The following DACH2 variants were observed in gnomAD, a reference collection of about 807,000 sequenced individuals.
The protein encoded by DACH2 is dachshund homolog 2.
Under a neutral mutation model 35.8 loss-of-function variants are expected in DACH2, and 17 were observed. The ratio of observed to expected loss-of-function variants is 0.48; its 90% CI spans 0.33 to 0.71. The LOEUF is 0.71. Among genes scored for constraint, DACH2 ranks in the 30% least tolerant of loss-of-function variants. The pLI is 0.02. For missense variants in DACH2, 469 were observed against 472.7 expected, an observed-to-expected ratio of 0.99 and a Z score of 0.07; for synonymous variants, 195 against 177.3, an observed-to-expected ratio of 1.10 and a Z score of -0.79.
In DACH2 at chrX:86,181,635, G is replaced by A. The variant is rs934769682; in HGVS notation, c.488+32527G>A. 1.1e-4 allele frequency among the ~76,000 whole-genome samples: 12 copies of A among 111,249 alleles called. No homozygotes were observed. In the East Asian group the frequency reaches 1.4e-3, roughly 13 times the overall value. ...AGTCTTTGCTATTGTGAACAGTGCC[G>A]CAATAAACATACGTGTGCATGTGTC... On this transcript the variant is annotated intron_variant, in intron 1 of 11. Coordinates refer to ENST00000373125, the MANE Select transcript of DACH2 (RefSeq NM_053281.3).
At chrX:86,315,171 C>CTT (rs1569344806) in intron 1 of DACH2, among the ~76,000 whole-genome samples, 1 of 111,873 alleles carries the variant, frequency 8.9e-6, no homozygotes, top group African/African-American at 3.2e-5. Context: ...TTCTGAAAAT[C>CTT]TTAAGGACCT....
chrX:86,348,956 C>T (rs1226661067), intron 1 of DACH2, among the ~76,000 whole-genome samples: 1 of 111,626 alleles, frequency 9.0e-6, no homozygotes, highest in Non-Finnish European at 1.9e-5. Flanking sequence ...GCTTAGAGCT[C>T]CCGAAGCCCC....
At chrX:86,825,237 A>T (rs765207415) in intron 11 of DACH2, among the ~76,000 whole-genome samples, 44 of 110,445 alleles carry the variant, frequency 4.0e-4, no homozygotes, top group Non-Finnish European at 5.9e-4. Flanking sequence ...TAACATGGAG[A>T]AATTTTTAGT....
At chrX:86,615,894 A>G (rs773367739) in intron 3 of DACH2, among the ~76,000 whole-genome samples, 211 of 110,469 alleles carry the variant, frequency 1.9e-3, no homozygotes, top group Non-Finnish European at 2.5e-3. Context: ...AGTATCCAAT[A>G]ATTATTTTTT....
chrX:86,207,933 T>G (rs1602286294), intron 1 of DACH2, among the ~76,000 whole-genome samples: 1 of 111,498 alleles, frequency 9.0e-6, no homozygotes. Context: ...CAGCTTTATT[T>G]TATTCTACTT....
chrX:86,616,856 G>A (rs1051726454), intron 3 of DACH2, among the ~76,000 whole-genome samples: 8 of 111,674 alleles, frequency 7.2e-5, no homozygotes, highest in Admixed American at 9.5e-5. Flanking sequence ...TGTCCACAAT[G>A]GTATTGCCTA....
chrX:86,796,504 A>G (rs1380494452), intron 7 of DACH2, among the ~76,000 whole-genome samples: 1 of 112,186 alleles, frequency 8.9e-6, no homozygotes, highest in African/African-American at 3.2e-5. Flanking sequence ...ATCCAAATAA[A>G]TGACTCAAAA....
intron 1 of DACH2, among the ~76,000 whole-genome samples, chrX:86,346,394 G>A (rs1034941711): frequency 1.9e-5 from 2 of 106,666 alleles, no homozygotes; most frequent in East Asian, 2.9e-4. Flanking sequence ...TTAGAGTTTC[G>A]GATTTTATAG....
chrX:86,285,063 ATCT>A (rs2034117370), intron 1 of DACH2, among the ~76,000 whole-genome samples: 1 of 111,092 alleles, frequency 9.0e-6, no homozygotes, highest in Non-Finnish European at 1.9e-5. Context: ...ATTTATTTGA[ATCT>A]TCTTTCTTCT....
chrX:86,729,668 G>A (rs775533857), intron 6 of DACH2, among the ~76,000 whole-genome samples: 1 of 111,748 alleles, frequency 8.9e-6, no homozygotes, highest in East Asian at 2.8e-4. Context: ...GGATTATGGG[G>A]GCAAATCCCT....
At chrX:86,368,732 A>C (rs1177697296) in intron 1 of DACH2, among the ~76,000 whole-genome samples, 1 of 109,307 alleles carries the variant, frequency 9.1e-6, no homozygotes, top group South Asian at 4.0e-4. Context: ...TCAGCTAATT[A>C]CAAAAAAATT....
chrX:86,653,048 G>A (rs1384298350), intron 4 of DACH2, among the ~76,000 whole-genome samples: 1 of 111,857 alleles, frequency 8.9e-6, no homozygotes. Flanking sequence ...TATCTCCAAA[G>A]GTTTTTACAA....
At chrX:86,235,035 T>A (rs2033028410) in intron 1 of DACH2, among the ~76,000 whole-genome samples, 1 of 112,114 alleles carries the variant, frequency 8.9e-6, no homozygotes, top group Non-Finnish European at 1.9e-5. Context: ...TTAGTTGTCA[T>A]GTTTCTAGGC....
At chrX:86,553,228 A>G (rs1216594123) in intron 3 of DACH2, among the ~76,000 whole-genome samples, 1 of 111,411 alleles carries the variant, frequency 9.0e-6, no homozygotes, top group Non-Finnish European at 1.9e-5. Context: ...GTGTAAGTCC[A>G]AGAGTCCAAA....
intron 2 of DACH2, among the ~76,000 whole-genome samples, chrX:86,466,512 A>C (rs1057455608): frequency 9.0e-6 from 1 of 111,215 alleles, no homozygotes; most frequent in Non-Finnish European, 1.9e-5. Context: ...CATGCTTCCC[A>C]ACAGTCCCCC....
chrX:86,420,759 C>T (rs898843620), intron 2 of DACH2, among the ~76,000 whole-genome samples: 1 of 110,787 alleles, frequency 9.0e-6, no homozygotes, highest in African/African-American at 3.3e-5. Flanking sequence ...AAATTGTAAA[C>T]GTTTAAAGTT....
intron 3 of DACH2, among the ~76,000 whole-genome samples, chrX:86,631,905 G>A (rs762432836): frequency 9.0e-6 from 1 of 110,778 alleles, no homozygotes; most frequent in Non-Finnish European, 1.9e-5. Context: ...TTGCTTACTA[G>A]TGAGAAAGGA....
intron 7 of DACH2, among the ~76,000 whole-genome samples, chrX:86,755,897 G>A (rs1186823473): frequency 9.1e-6 from 1 of 110,442 alleles, no homozygotes; most frequent in African/African-American, 3.3e-5. Flanking sequence ...GTGCTCGGCC[G>A]ACCTGATTTT....
chrX:86,454,099 T>C (rs1410527224), intron 2 of DACH2, among the ~76,000 whole-genome samples: 1 of 111,706 alleles, frequency 9.0e-6, no homozygotes, highest in Non-Finnish European at 1.9e-5. Flanking sequence ...ATTTGAATAG[T>C]GGCCCCCAAT....
Sources: gnomAD v4.1 joint callset for allele counts (sites outside exome capture counted in the v4.1 genomes callset) on GRCh38, gnomAD v4.1.1 for gene constraint, MANE v1.5 for transcripts, NCBI Gene and HGNC (gene_info 2026-07-23, HGNC 2026-07-21) for gene names.